UNC5D: variants seen among roughly 807,000 people sequenced by gnomAD.
UNC5D encodes the protein unc-5 netrin receptor D, also known as netrin receptor UNC5D.
UNC5D carries 39 observed loss-of-function variants against 105.4 expected under a neutral mutation model. That is an observed-to-expected ratio of 0.37 (90% CI 0.29 to 0.48). The LOEUF is 0.48. UNC5D is among the 20% of genes least tolerant of loss of function. The pLI, the probability that UNC5D is intolerant of heterozygous loss-of-function variation, is 0.98. For missense variants in UNC5D, 991 were observed against 1,202.4 expected (o/e 0.82, Z 2.60); for synonymous variants, 452 against 450.4 (o/e 1.00, Z -0.04).
chr8:35,652,099 A>T (rs746267166), intron 4 of UNC5D, among the ~76,000 whole-genome samples: 6 of 152,176 alleles, frequency 3.9e-5, no homozygotes, highest in Non-Finnish European at 8.8e-5. Flanking sequence ...AAGTTGTTAT[A>T]TATGAGCGCT....
chr8:35,662,298 G>A (rs1824157747), intron 4 of UNC5D, among the ~76,000 whole-genome samples: 1 of 151,922 alleles, frequency 6.6e-6, no homozygotes, highest in Non-Finnish European at 1.5e-5. Context: ...TCACAGCCTA[G>A]ACCGGTATCA....
chr8:35,413,295 T>TGTGTGTTGTGG (rs1805315778), intron 1 of UNC5D, among the ~76,000 whole-genome samples: 1 of 145,970 alleles, frequency 6.9e-6, no homozygotes, highest in African/African-American at 2.6e-5. Flanking sequence ...GTGTGTGTTG[T>TGTGTGTTGTGG]GTGTGTGTGT....
At chr8:35,550,927 G>A (rs994534499) in intron 2 of UNC5D, among the ~76,000 whole-genome samples, 15 of 152,138 alleles carry the variant, frequency 9.9e-5, no homozygotes, top group African/African-American at 2.7e-4. Flanking sequence ...TCAGCAAAAC[G>A]TTTGGTTTTG....
At chr8:35,603,226 C>G (rs1394191079) in intron 4 of UNC5D, among the ~76,000 whole-genome samples, 3 of 151,904 alleles carry the variant, frequency 2.0e-5, no homozygotes, top group Non-Finnish European at 4.4e-5. Context: ...AATGTGTCCC[C>G]AAGATTCTGG....
Position 35,387,920 on chromosome 8 carries a change from A to G in UNC5D, c.103+152033A>G, listed in dbSNP as rs34485161. 3.6e-3 allele frequency among the ~76,000 whole-genome samples: 554 copies of G among 152,288 alleles called. 2 individuals carry two copies. The highest frequency in any genetic ancestry group is 6.8e-3 in the Middle Eastern group (2 of 294). The stretch of plus-strand genomic sequence containing the variant: ...ATGAATACTATCTGCTTCTTTTCTG[A>G]AAGGGAAAATTGATCGGCTAAGTAA... On this transcript the variant is annotated intron_variant, in intron 1 of 16. Coordinates refer to ENST00000404895, the MANE Select transcript of UNC5D (RefSeq NM_080872.4).
At chr8:35,423,628 T>G (rs1806054863) in intron 1 of UNC5D, among the ~76,000 whole-genome samples, 1 of 152,174 alleles carries the variant, frequency 6.6e-6, no homozygotes, top group Non-Finnish European at 1.5e-5. Context: ...AAGTACTGCT[T>G]GATTGTTAAA....
At chr8:35,417,115 A>T (rs548973701) in intron 1 of UNC5D, among the ~76,000 whole-genome samples, 1 of 152,258 alleles carries the variant, frequency 6.6e-6, no homozygotes, top group East Asian at 1.9e-4. Context: ...ATTCTAAAAG[A>T]TACAATTAAA....
intron 1 of UNC5D, among the ~76,000 whole-genome samples, chr8:35,328,116 A>C (rs1810313392): frequency 6.6e-6 from 1 of 152,046 alleles, no homozygotes; most frequent in African/African-American, 2.4e-5. Context: ...CACCTCCAAA[A>C]CTCAGTTGAT....
At position 35,270,068 on chromosome 8, in the gene UNC5D, A is replaced by G. The variant is rs145789455; in HGVS notation, c.103+34181A>G. On this transcript the variant is annotated intron_variant, in intron 1 of 16. Transcript: ENST00000404895. ...ATGTATCTCTTGTGTATATCAGAAG[A>G]TAATTGAGAGGGAAGGACAAGAAAT... Among the ~76,000 whole-genome samples, 420 of 152,276 alleles carry G rather than the reference A, an allele frequency of 2.8e-3. 4 individuals are homozygous for G. The highest frequency in any genetic ancestry group is 9.6e-3 in the African/African-American group (398 of 41,544).
intron 11 of UNC5D, among the ~76,000 whole-genome samples, chr8:35,733,139 A>C (rs1465651003): frequency 6.6e-6 from 1 of 152,148 alleles, no homozygotes; most frequent in Non-Finnish European, 1.5e-5. Flanking sequence ...AGGTAGCTGA[A>C]ACCTTCCCAG....
intron 4 of UNC5D, among the ~76,000 whole-genome samples, chr8:35,608,883 C>T (rs1422877637): frequency 2.6e-5 from 4 of 152,058 alleles, no homozygotes; most frequent in African/African-American, 9.7e-5. Flanking sequence ...TATGTGAGTA[C>T]ATGTATCTAT....
chr8:35,596,202 C>T (rs566951053), intron 4 of UNC5D, among the ~76,000 whole-genome samples: 1 of 152,166 alleles, frequency 6.6e-6, no homozygotes, highest in African/African-American at 2.4e-5. Context: ...TGTTATCCTT[C>T]CTTCACAGCG....
At chr8:35,398,992 C>T (rs1338943239) in intron 1 of UNC5D, among the ~76,000 whole-genome samples, 2 of 151,536 alleles carry the variant, frequency 1.3e-5, no homozygotes, top group Admixed American at 1.3e-4. Context: ...CCCATCTCTA[C>T]TAAAATACAG....
At chr8:35,635,983 A>G (rs1411328314) in intron 4 of UNC5D, among the ~76,000 whole-genome samples, 1 of 152,190 alleles carries the variant, frequency 6.6e-6, no homozygotes, top group African/African-American at 2.4e-5. Context: ...ACTATTGAGG[A>G]AGAAGGAAGC....
At chr8:35,560,612 A>C (rs904761853) in intron 2 of UNC5D, among the ~76,000 whole-genome samples, 1 of 152,206 alleles carries the variant, frequency 6.6e-6, no homozygotes, top group African/African-American at 2.4e-5. Flanking sequence ...TAATACAAAG[A>C]ATTCGTGATT....
intron 11 of UNC5D, among the ~76,000 whole-genome samples, chr8:35,733,146 C>T (rs1829287776): frequency 6.6e-6 from 1 of 152,082 alleles, no homozygotes; most frequent in Non-Finnish European, 1.5e-5. Context: ...TGAAACCTTC[C>T]CAGATGTTAT....
intron 1 of UNC5D, among the ~76,000 whole-genome samples, chr8:35,249,120 T>C (rs939864970): frequency 3.0e-5 from 4 of 131,554 alleles, no homozygotes; most frequent in African/African-American, 1.1e-4. Flanking sequence ...ATATTATATA[T>C]ATAAAATTAT....
At chr8:35,622,394 C>T (rs1157927693) in intron 4 of UNC5D, among the ~76,000 whole-genome samples, 1 of 151,996 alleles carries the variant, frequency 6.6e-6, no homozygotes, top group Non-Finnish European at 1.5e-5. Flanking sequence ...GAGAGGGAGA[C>T]ATTATTTATT....
At chr8:35,629,063 C>T (rs935478200) in intron 4 of UNC5D, among the ~76,000 whole-genome samples, 1 of 152,046 alleles carries the variant, frequency 6.6e-6, no homozygotes, top group Non-Finnish European at 1.5e-5. Flanking sequence ...GTTTCTAATT[C>T]TTTGCCTTTC....
Sources: gnomAD v4.1 joint callset for allele counts (sites outside exome capture counted in the v4.1 genomes callset) on GRCh38, gnomAD v4.1.1 for gene constraint, MANE v1.5 for transcripts, NCBI Gene and HGNC (gene_info 2026-07-23, HGNC 2026-07-21) for gene names.